The following LRP1B variants were observed in gnomAD, a reference collection of about 807,000 sequenced individuals.
LRP1B encodes the protein low-density lipoprotein receptor-related protein 1B.
A neutral mutation model predicts 556.6 loss-of-function variants in LRP1B; 217 were observed. The observed-to-expected ratio is 0.39, with a 90% confidence interval of 0.35 to 0.44. The LOEUF (loss-of-function observed/expected upper bound fraction) is 0.44, where lower values mean the gene tolerates loss of function less well. LRP1B is among the 20% of genes least tolerant of loss of function. The probability of loss-of-function intolerance (pLI) is 1.00; values close to 1 mark genes in which losing one functional copy is unlikely to be tolerated. For missense variants in LRP1B, 5,053 were observed against 5,620.8 expected, an observed-to-expected ratio of 0.90 and a Z score of 3.23; for synonymous variants, 2,047 against 1,865.8, an observed-to-expected ratio of 1.10 and a Z score of -2.50.
rs115547134 is a variant in LRP1B, at chr2:140,688,666, G to T, written c.6799+11584C>A. ...TTTCTCTATCCTTGAATCTGAACTTGGTCATGTGACTTGCCAGTGAGACAT... is the reference window on the plus strand; with the variant it reads ...TTTCTCTATCCTTGAATCTGAACTTTGTCATGTGACTTGCCAGTGAGACAT... On this transcript the variant is annotated intron_variant, in intron 41 of 90. Coordinates refer to ENST00000389484, the MANE Select transcript of LRP1B (RefSeq NM_018557.3). Among the ~76,000 whole-genome samples, 1,156 of 152,214 alleles carry T rather than the reference G, an allele frequency of 7.6e-3. 3 individuals are homozygous for T. Among genetic ancestry groups the T allele is most frequent in the Non-Finnish European group, 0.011 (751 of 68,014 alleles).
At chr2:140,327,215 G>A (rs1018010798) in intron 79 of LRP1B, among the ~76,000 whole-genome samples, 2 of 152,096 alleles carry the variant, frequency 1.3e-5, no homozygotes, top group Admixed American at 6.6e-5. Flanking sequence ...GTCTGTGCTA[G>A]ACTTTTATTC....
intron 66 of LRP1B, among the ~76,000 whole-genome samples, chr2:140,421,886 G>C (rs1044055351): frequency 6.6e-6 from 1 of 152,124 alleles, no homozygotes; most frequent in Non-Finnish European, 1.5e-5. Flanking sequence ...AAACTGTCCA[G>C]TGCCCTGCCA....
At chr2:140,408,404 G>A (rs981354814) in intron 66 of LRP1B, among the ~76,000 whole-genome samples, 1 of 151,970 alleles carries the variant, frequency 6.6e-6, no homozygotes, top group African/African-American at 2.4e-5. Flanking sequence ...GATCTTGTGA[G>A]CTCTGGGTTT....
At chr2:141,289,040 C>T (rs1282155307) in intron 3 of LRP1B, among the ~76,000 whole-genome samples, 2 of 152,046 alleles carry the variant, frequency 1.3e-5, no homozygotes, top group Non-Finnish European at 2.9e-5. Flanking sequence ...TACAATAACA[C>T]GCTTAAGAAA....
chr2:140,755,746 A>G (rs1257514532), intron 35 of LRP1B, among the ~76,000 whole-genome samples: 2 of 152,036 alleles, frequency 1.3e-5, no homozygotes, highest in Non-Finnish European at 2.9e-5. Flanking sequence ...CTGGATATTT[A>G]CCCCTTAAGA....
chr2:141,845,745 A>T (rs1334643360), intron 1 of LRP1B, among the ~76,000 whole-genome samples: 2 of 152,018 alleles, frequency 1.3e-5, no homozygotes, highest in Admixed American at 6.6e-5. Flanking sequence ...ATCATTACTT[A>T]TAACAGCAGA....
At chr2:141,004,641 ATTAG>A (rs919614311) in intron 15 of LRP1B, among the ~76,000 whole-genome samples, 2 of 152,020 alleles carry the variant, frequency 1.3e-5, no homozygotes, top group Non-Finnish European at 2.9e-5. Context: ...TATACATCCT[ATTAG>A]TTCTGTTTTT....
In LRP1B at chr2:141,785,265, G is replaced by A. The variant is rs1448558943; in HGVS notation, c.205+25014C>T. Among the ~76,000 whole-genome samples, 3 of 151,910 alleles carry A rather than the reference G, an allele frequency of 2.0e-5. No homozygotes were observed. In the Admixed American group the frequency reaches 2.0e-4, roughly 10 times the overall value. ...GAAACAGAGTCATCAGATGGAGAAG[G>A]TTGTCAGCTAAGAGTCATCAGACTT... On this transcript the variant is annotated intron_variant, in intron 2 of 90. Transcript: ENST00000389484.
chr2:140,307,255 C>T (rs1382170965), intron 83 of LRP1B, among the ~76,000 whole-genome samples: 1 of 151,922 alleles, frequency 6.6e-6, no homozygotes, highest in African/African-American at 2.4e-5. Context: ...ATTCTGTAAA[C>T]AGCAATAGCA....
chr2:141,202,066 A>C (rs1271965191), intron 6 of LRP1B, among the ~76,000 whole-genome samples: 2 of 152,040 alleles, frequency 1.3e-5, no homozygotes, highest in South Asian at 4.1e-4. Context: ...CATCACCTAG[A>C]TATTAAGCCC....
At chr2:140,738,623 A>C (rs1688029646) in intron 35 of LRP1B, among the ~76,000 whole-genome samples, 2 of 152,114 alleles carry the variant, frequency 1.3e-5, no homozygotes, top group Admixed American at 1.3e-4. Context: ...AGGACTCCCT[A>C]CCAGTCTTGA....
At chr2:141,026,283 G>A (rs1698215602) in intron 11 of LRP1B, among the ~76,000 whole-genome samples, 1 of 152,034 alleles carries the variant, frequency 6.6e-6, no homozygotes. Flanking sequence ...TAATTTCACA[G>A]AAGTTGACTT....
At chr2:140,920,071 G>A (rs1694692380) in intron 21 of LRP1B, among the ~76,000 whole-genome samples, 1 of 151,938 alleles carries the variant, frequency 6.6e-6, no homozygotes, top group African/African-American at 2.4e-5. Flanking sequence ...AGTAGCTGGA[G>A]GGCCTATTTT....
intron 41 of LRP1B, among the ~76,000 whole-genome samples, chr2:140,624,512 C>A (rs1178598403): frequency 6.6e-6 from 1 of 152,056 alleles, no homozygotes; most frequent in Non-Finnish European, 1.5e-5. Flanking sequence ...AGGTTAATAT[C>A]CTTTGGAATT....
chr2:141,620,629 T>C (rs888956489), intron 2 of LRP1B, among the ~76,000 whole-genome samples: 13 of 152,342 alleles, frequency 8.5e-5, no homozygotes, highest in Admixed American at 7.8e-4. Flanking sequence ...AATATGTTAA[T>C]ACATATTTTA....
chr2:140,670,586 T>C (rs965108288), intron 41 of LRP1B, among the ~76,000 whole-genome samples: 6 of 152,164 alleles, frequency 3.9e-5, no homozygotes, highest in Non-Finnish European at 7.4e-5. Flanking sequence ...ATCCTGTATA[T>C]AGAAGATTGG....
At chr2:140,801,821 A>T (rs1690523895) in intron 32 of LRP1B, among the ~76,000 whole-genome samples, 1 of 152,258 alleles carries the variant, frequency 6.6e-6, no homozygotes, top group Non-Finnish European at 1.5e-5. Flanking sequence ...GCAGATTTTG[A>T]AAGTTTGCAG....
chr2:141,995,456 C>G (rs184003518), intron 1 of LRP1B, among the ~76,000 whole-genome samples: 2 of 152,232 alleles, frequency 1.3e-5, no homozygotes, highest in Non-Finnish European at 2.9e-5. Context: ...CCTGTGATTA[C>G]ATTGGGCCCA....
intron 2 of LRP1B, among the ~76,000 whole-genome samples, chr2:141,655,451 T>A (rs777840545): frequency 6.6e-6 from 1 of 152,046 alleles, no homozygotes; most frequent in Non-Finnish European, 1.5e-5. Context: ...AAACAACACA[T>A]AGTTGAGCAG....
Sources: allele counts gnomAD v4.1 joint callset (sites outside exome capture counted in the v4.1 genomes callset), GRCh38; gene constraint gnomAD v4.1.1; transcripts MANE v1.5; gene names NCBI Gene and HGNC (gene_info 2026-07-23, HGNC 2026-07-21).